The following BRINP3 variants were observed in gnomAD, a reference collection of about 807,000 sequenced individuals.
The protein encoded by BRINP3 is BMP/retinoic acid-inducible neural-specific protein 3.
A neutral mutation model predicts 71.0 loss-of-function variants in BRINP3; 19 were observed. The ratio of observed to expected loss-of-function variants is 0.27; its 90% CI spans 0.19 to 0.39. BRINP3 has a LOEUF of 0.39. BRINP3 is among the 10% of genes least tolerant of loss of function. BRINP3 has a pLI of 1.00. For synonymous variants in BRINP3, 380 were observed against 337.7 expected (o/e 1.13, Z -1.37); for missense variants, 959 against 940.8 (o/e 1.02, Z -0.25).
intron 5 of BRINP3, among the ~76,000 whole-genome samples, chr1:190,227,222 T>C (rs867154688): frequency 1.3e-5 from 2 of 151,832 alleles, no homozygotes; most frequent in Admixed American, 6.6e-5. Context: ...TTTCACATGT[T>C]TTCTGTTTAA....
intron 2 of BRINP3, among the ~76,000 whole-genome samples, chr1:190,300,913 C>T (rs1283232105): frequency 4.0e-5 from 6 of 151,898 alleles, no homozygotes; most frequent in Non-Finnish European, 8.8e-5. Flanking sequence ...AGCAACGAAA[C>T]AAAGCTGGAT....
intron 2 of BRINP3, among the ~76,000 whole-genome samples, chr1:190,323,631 T>C (rs1199687880): frequency 1.3e-5 from 2 of 151,756 alleles, no homozygotes; most frequent in African/African-American, 4.8e-5. Flanking sequence ...TTTCTTATTT[T>C]GCATTAAGGC....
In BRINP3 at chr1:190,356,854, T is replaced by C. The variant is rs554010972; in HGVS notation, c.237-75104A>G. On this transcript the variant is annotated intron_variant, in intron 2 of 7. Coordinates refer to ENST00000367462, the MANE Select transcript of BRINP3 (RefSeq NM_199051.3). ...ATTTGAATGAAAAGTAATCTCTCAT[T>C]CATTTAACTGTTCATTTAATAAATA... Among the ~76,000 whole-genome samples the C allele has an allele frequency of 3.9e-5, 6 of 152,174 alleles. No individual in the cohort carries two copies. In the South Asian group the frequency reaches 1.2e-3, roughly 32 times the overall value.
chr1:190,148,645 A>T (rs971415676), intron 7 of BRINP3, among the ~76,000 whole-genome samples: 16 of 144,252 alleles, frequency 1.1e-4, no homozygotes, highest in Non-Finnish European at 1.8e-4. Flanking sequence ...ATAAATAAAT[A>T]AATAAATTCT....
At chr1:190,421,093 C>G (rs1428449010) in intron 2 of BRINP3, among the ~76,000 whole-genome samples, 1 of 151,446 alleles carries the variant, frequency 6.6e-6, no homozygotes, top group African/African-American at 2.4e-5. Context: ...ATATTTAACC[C>G]AATACTAATT....
At chr1:190,410,179 A>C (rs1672572266) in intron 2 of BRINP3, among the ~76,000 whole-genome samples, 1 of 152,090 alleles carries the variant, frequency 6.6e-6, no homozygotes, top group Non-Finnish European at 1.5e-5. Flanking sequence ...TAGTGGGGGA[A>C]ATGGAGGGAA....
At position 190,380,940 on chromosome 1, in the gene BRINP3, T is replaced by C. The variant is rs1458506860; in HGVS notation, c.236+73715A>G. Among the ~76,000 whole-genome samples, 8 of 152,238 alleles carry C rather than the reference T, an allele frequency of 5.3e-5. No homozygotes were observed. In the East Asian group the frequency reaches 1.4e-3, roughly 26 times the overall value. ...CATTTTATCCCTCCTCATTATGATA[T>C]TTACAAATCTCTAAAACTAGGAAGT... On this transcript the variant is annotated intron_variant, in intron 2 of 7. Coordinates refer to ENST00000367462, the MANE Select transcript of BRINP3 (RefSeq NM_199051.3).
chr1:190,351,143 T>A (rs1218418226), intron 2 of BRINP3, among the ~76,000 whole-genome samples: 1 of 152,086 alleles, frequency 6.6e-6, no homozygotes, highest in African/African-American at 2.4e-5. Flanking sequence ...TTTTCCTACA[T>A]CTACGAAGTA....
intron 2 of BRINP3, among the ~76,000 whole-genome samples, chr1:190,429,019 A>G (rs1178733491): frequency 2.0e-5 from 3 of 152,142 alleles, no homozygotes; most frequent in Admixed American, 1.3e-4. Flanking sequence ...AATGTTGAAT[A>G]CTTGCTATAA....
intron 7 of BRINP3, among the ~76,000 whole-genome samples, chr1:190,147,455 C>T (rs1655989846): frequency 6.6e-6 from 1 of 152,020 alleles, no homozygotes; most frequent in Non-Finnish European, 1.5e-5. Context: ...TTTATAATAT[C>T]TAAAGACACT....
chr1:190,178,892 A>T (rs1652790865), intron 6 of BRINP3, among the ~76,000 whole-genome samples: 1 of 152,202 alleles, frequency 6.6e-6, no homozygotes, highest in South Asian at 2.1e-4. Flanking sequence ...GTTTTATTTT[A>T]TACAGAATTA....
At chr1:190,336,882 C>A (rs1327258650) in intron 2 of BRINP3, among the ~76,000 whole-genome samples, 1 of 144,702 alleles carries the variant, frequency 6.9e-6, no homozygotes, top group East Asian at 2.1e-4. Context: ...CTCCTTCCTT[C>A]CTTCCTTCCT....
At chr1:190,113,883 C>T (rs371032116) in intron 7 of BRINP3, among the ~76,000 whole-genome samples, 6 of 152,100 alleles carry the variant, frequency 3.9e-5, no homozygotes, top group Non-Finnish European at 7.4e-5. Context: ...TCACTAATAA[C>T]GCAAACTAGG....
chr1:190,217,837 A>T (rs1246845693), intron 6 of BRINP3, among the ~76,000 whole-genome samples: 1 of 152,082 alleles, frequency 6.6e-6, no homozygotes, highest in Non-Finnish European at 1.5e-5. Flanking sequence ...CAAATGTGAG[A>T]TAAGATTAAG....
At chr1:190,375,470 T>C (rs946028230) in intron 2 of BRINP3, among the ~76,000 whole-genome samples, 2 of 151,924 alleles carry the variant, frequency 1.3e-5, no homozygotes, top group East Asian at 3.9e-4. Context: ...CCCCAATTAA[T>C]GTATTCAAAA....
In BRINP3 at chr1:190,372,768, A is replaced by G. The variant is rs898065881; in HGVS notation, c.236+81887T>C. Among the ~76,000 whole-genome samples the G allele has an allele frequency of 3.0e-4, 45 of 152,344 alleles. 1 individual carries two copies. In the South Asian group the frequency reaches 3.1e-3, roughly 11 times the overall value. On this transcript the variant is annotated intron_variant, in intron 2 of 7. Transcript: ENST00000367462. ...CAGACAGTTGTAAAGAACAGATAATAGTAAAACAATTTGAGAGTATATATT... is the reference window on the plus strand; with the variant it reads ...CAGACAGTTGTAAAGAACAGATAATGGTAAAACAATTTGAGAGTATATATT...
chr1:190,325,455 G>A (rs1666517883), intron 2 of BRINP3, among the ~76,000 whole-genome samples: 1 of 151,918 alleles, frequency 6.6e-6, no homozygotes, highest in African/African-American at 2.4e-5. Context: ...GGATTAAGAA[G>A]AAACTTAGCC....
intron 1 of BRINP3, among the ~76,000 whole-genome samples, chr1:190,463,438 A>G (rs1470374486): frequency 6.6e-6 from 1 of 151,754 alleles, no homozygotes; most frequent in Non-Finnish European, 1.5e-5. Flanking sequence ...TACAACTAAA[A>G]AAAAAGGAAA....
chr1:190,183,344 G>A (rs1653200350), intron 6 of BRINP3, among the ~76,000 whole-genome samples: 2 of 151,802 alleles, frequency 1.3e-5, no homozygotes, highest in Non-Finnish European at 2.9e-5. Context: ...TTAAATTTGG[G>A]AATTTAAAAT....
Sources: gnomAD v4.1 joint callset for allele counts (sites outside exome capture counted in the v4.1 genomes callset) on GRCh38, gnomAD v4.1.1 for gene constraint, MANE v1.5 for transcripts, NCBI Gene and HGNC (gene_info 2026-07-23, HGNC 2026-07-21) for gene names.